Variants in RBFOX2 observed in about 807,000 individuals in gnomAD.
RBFOX2 encodes the protein RNA binding fox-1 homolog 2.
RBFOX2 carries 10 observed loss-of-function variants against 49.1 expected under a neutral mutation model. That is an observed-to-expected ratio of 0.20 (90% CI 0.13 to 0.35). The LOEUF is 0.35. Ranked by LOEUF, RBFOX2 falls within the 10% of genes least tolerant of loss-of-function variation. The pLI is 1.00. For missense variants in RBFOX2, 323 were observed against 486.9 expected (o/e 0.66, Z 3.17); for synonymous variants, 183 against 187.4 (o/e 0.98, Z 0.19).
intron 1 of RBFOX2, among the ~76,000 whole-genome samples, chr22:35,903,824 T>C (rs2048841231): frequency 6.6e-6 from 1 of 152,142 alleles, no homozygotes; most frequent in South Asian, 2.1e-4. Context: ...AATATCACAC[T>C]AGTTTCCCCA....
At chr22:35,970,604 T>C (rs1603460208) in intron 1 of RBFOX2, among the ~76,000 whole-genome samples, 1 of 151,884 alleles carries the variant, frequency 6.6e-6, no homozygotes, top group Non-Finnish European at 1.5e-5. Context: ...GGGACTGCAG[T>C]GAGCCATGAT....
chr22:35,809,808 G>A, exon 2 of RBFOX2: 1 of 1,614,006 alleles, frequency 6.2e-7, no homozygotes, highest in Admixed American at 1.7e-5. Flanking sequence ...TGTGCTGGGT[G>A]AGTTGCTGCT....
intron 1 of RBFOX2, among the ~76,000 whole-genome samples, chr22:35,922,615 T>A (rs1206822463): frequency 2.0e-5 from 3 of 151,584 alleles, no homozygotes; most frequent in Non-Finnish European, 4.4e-5. Flanking sequence ...GACTTTGGTC[T>A]ATGGGCTACT....
intron 9 of RBFOX2, chr22:35,752,523 C>G (rs1188253044): frequency 1.3e-6 from 1 of 767,702 alleles, no homozygotes. Flanking sequence ...GTTCCCATCT[C>G]TAACGTGGAG....
At chr22:35,948,638 T>C (rs188974693) in intron 1 of RBFOX2, among the ~76,000 whole-genome samples, 78 of 152,254 alleles carry the variant, frequency 5.1e-4, no homozygotes, top group Non-Finnish European at 7.9e-4. Flanking sequence ...TGAGCTGAGA[T>C]TGTACCACAG....
At chr22:35,888,913 G>A (rs574639329) in intron 1 of RBFOX2, among the ~76,000 whole-genome samples, 1 of 152,276 alleles carries the variant, frequency 6.6e-6, no homozygotes, top group East Asian at 1.9e-4. Context: ...CCAGCACTCT[G>A]GGAGGCCAAG....
chr22:35,820,226 A>T (rs2148427391), intron 1 of RBFOX2, among the ~76,000 whole-genome samples: 1 of 152,344 alleles, frequency 6.6e-6, no homozygotes, highest in Non-Finnish European at 1.5e-5. Flanking sequence ...ATTAGGTTTT[A>T]AATGTACCAC....
chr22:35,822,477 C>A (rs1312163664), intron 1 of RBFOX2, among the ~76,000 whole-genome samples: 1 of 152,090 alleles, frequency 6.6e-6, no homozygotes, highest in Non-Finnish European at 1.5e-5. Context: ...GCTAAAAGTT[C>A]CTCTAAGACT....
intron 11 of RBFOX2, among the ~76,000 whole-genome samples, chr22:35,745,665 T>C (rs1284113457): frequency 6.6e-6 from 1 of 152,216 alleles, no homozygotes; most frequent in Non-Finnish European, 1.5e-5. Flanking sequence ...CCTATTTCTC[T>C]CGCAAATCAT....
At chr22:35,954,612 G>T (rs749172503) in intron 1 of RBFOX2, among the ~76,000 whole-genome samples, 3 of 152,140 alleles carry the variant, frequency 2.0e-5, no homozygotes, top group Non-Finnish European at 4.4e-5. Flanking sequence ...GCCCTCCATT[G>T]CTTACATGAT....
In RBFOX2 at chr22:35,739,086, C is replaced by T. The variant is rs369816045; in HGVS notation, c.*5109G>A. ...GAAACAGGACCCTGGGCAAGCAGCT[C>T]GGGTGTCCTAGGAAGTGATTCTGGG... On this transcript the variant is annotated 3_prime_UTR_variant, in exon 12 of 12. Coordinates refer to ENST00000405409, the Ensembl canonical transcript of RBFOX2. 4.7e-3 allele frequency: 714 copies of T among 153,382 alleles called. 4 individuals are homozygous for T. Among genetic ancestry groups the T allele is most frequent in the Non-Finnish European group, 7.5e-3 (511 of 68,310 alleles). 9.5% of individuals were successfully genotyped at this position (153,382 alleles called of 1,614,324 possible).
chr22:35,986,989 G>T (rs2057753887), intron 1 of RBFOX2, among the ~76,000 whole-genome samples: 1 of 149,608 alleles, frequency 6.7e-6, no homozygotes, highest in Admixed American at 6.7e-5. Flanking sequence ...TTACATAAAT[G>T]ACCTAGGGAA....
At chr22:36,000,115 C>G (rs1487516282) in intron 1 of RBFOX2, 2 of 151,156 alleles carry the variant, frequency 1.3e-5, no homozygotes, top group Non-Finnish European at 2.9e-5. Context: ...ATTCTCCTGC[C>G]TCAGCCTCCC....
intron 4 of RBFOX2, among the ~76,000 whole-genome samples, chr22:35,769,978 A>C (rs1942195732): frequency 6.6e-6 from 1 of 152,196 alleles, no homozygotes; most frequent in African/African-American, 2.4e-5. Flanking sequence ...TTGGAATGAA[A>C]TACTACTGGT....
chr22:35,784,752 T>G (rs1471520030), intron 2 of RBFOX2, among the ~76,000 whole-genome samples: 1 of 152,176 alleles, frequency 6.6e-6, no homozygotes, highest in Admixed American at 6.5e-5. Flanking sequence ...TTGAGGGCCA[T>G]GGTGGTGGCC....
chr22:35,814,153 C>T (rs566267723), intron 1 of RBFOX2, among the ~76,000 whole-genome samples: 1 of 152,226 alleles, frequency 6.6e-6, no homozygotes, highest in South Asian at 2.1e-4. Flanking sequence ...GTGAAATATG[C>T]TAAATGTTTT....
At chr22:35,790,161 T>C (rs1006133521) in intron 2 of RBFOX2, among the ~76,000 whole-genome samples, 2 of 152,254 alleles carry the variant, frequency 1.3e-5, no homozygotes, top group Admixed American at 6.5e-5. Context: ...GTACTGTGTG[T>C]ACATGTTTTA....
rs140766479 is a variant in RBFOX2, at chr22:35,825,177, G to A, written c.27+15015C>T. ...GGAGGTTGCAGTGAGCCATGATGGCGCCACTGTACTCCAGCCTGGGAGTGC... is the reference window on the plus strand; with the variant it reads ...GGAGGTTGCAGTGAGCCATGATGGCACCACTGTACTCCAGCCTGGGAGTGC... On this transcript the variant is annotated intron_variant, in intron 1 of 11. Coordinates refer to ENST00000405409, the Ensembl canonical transcript of RBFOX2. Among the ~76,000 whole-genome samples, 109 of 152,306 alleles carry A rather than the reference G, an allele frequency of 7.2e-4. 3 individuals carry two copies. The East Asian group carries it at 0.019, about 27-fold the overall frequency.
At chr22:35,862,232 T>C (rs1165720259) in intron 1 of RBFOX2, among the ~76,000 whole-genome samples, 4 of 152,218 alleles carry the variant, frequency 2.6e-5, no homozygotes, top group Non-Finnish European at 4.4e-5. Flanking sequence ...TATATACATA[T>C]GCCAAAACCT....
Sources: gnomAD v4.1 joint callset for allele counts (sites outside exome capture counted in the v4.1 genomes callset) on GRCh38, gnomAD v4.1.1 for gene constraint, MANE v1.5 for transcripts, NCBI Gene and HGNC (gene_info 2026-07-23, HGNC 2026-07-21) for gene names.